CACNA2D3: variants seen among roughly 807,000 people sequenced by gnomAD.
The protein encoded by CACNA2D3 is voltage-dependent calcium channel subunit alpha-2/delta-3.
In CACNA2D3, 60 loss-of-function variants were observed where a neutral mutation model predicts 160.6. That is an observed-to-expected ratio of 0.37 (90% confidence interval 0.30 to 0.46). The LOEUF is 0.46. Ranked by LOEUF, CACNA2D3 falls within the 20% of genes least tolerant of loss-of-function variation. The pLI, the probability that CACNA2D3 is intolerant of heterozygous loss-of-function variation, is 1.00. For synonymous variants in CACNA2D3, 558 were observed against 492.9 expected (o/e 1.13, Z -1.75); for missense variants, 1,205 against 1,365.0 (o/e 0.88, Z 1.85).
At chr3:55,000,432 T>A (rs1188004396) in intron 31 of CACNA2D3, among the ~76,000 whole-genome samples, 2 of 152,052 alleles carry the variant, frequency 1.3e-5, no homozygotes, top group Non-Finnish European at 2.9e-5. Flanking sequence ...GGGAGAGTGT[T>A]AGGACAAATA....
At chr3:54,938,580 A>C (rs1701385529) in intron 27 of CACNA2D3, among the ~76,000 whole-genome samples, 1 of 152,098 alleles carries the variant, frequency 6.6e-6, no homozygotes, top group Non-Finnish European at 1.5e-5. Context: ...GAGAATTTGA[A>C]TCATGCCCTG....
intron 13 of CACNA2D3, among the ~76,000 whole-genome samples, chr3:54,807,104 G>C (rs2106687823): frequency 6.6e-6 from 1 of 152,254 alleles, no homozygotes; most frequent in East Asian, 1.9e-4. Context: ...AAAAACCCTA[G>C]AAGAAAACCT....
At chr3:54,895,941 G>T (rs1184236724) in intron 25 of CACNA2D3, among the ~76,000 whole-genome samples, 1 of 152,190 alleles carries the variant, frequency 6.6e-6, no homozygotes, top group Non-Finnish European at 1.5e-5. Flanking sequence ...GGGAGGTCTG[G>T]GGAGGGGATA....
intron 11 of CACNA2D3, among the ~76,000 whole-genome samples, chr3:54,675,297 G>A (rs1279822795): frequency 6.6e-6 from 1 of 152,074 alleles, no homozygotes; most frequent in Non-Finnish European, 1.5e-5. Flanking sequence ...TTGAGGGTAG[G>A]GGTGGAAGAT....
intron 27 of CACNA2D3, among the ~76,000 whole-genome samples, chr3:54,936,449 G>A (rs1179095913): frequency 1.3e-5 from 2 of 152,114 alleles, no homozygotes; most frequent in African/African-American, 2.4e-5. Context: ...ACAAACAAAG[G>A]AAAGTTGATT....
chr3:54,712,684 C>T (rs1212362662), intron 11 of CACNA2D3, among the ~76,000 whole-genome samples: 9 of 152,150 alleles, frequency 5.9e-5, no homozygotes, highest in Non-Finnish European at 1.2e-4. Context: ...AGCATGTAAA[C>T]GGACTAATAC....
chr3:54,215,061 C>A (rs12632508), intron 2 of CACNA2D3, among the ~76,000 whole-genome samples: 17,948 of 152,148 alleles, frequency 0.12, 1,331 homozygotes, highest in East Asian at 0.3. Context: ...CTCCCAGGCC[C>A]TATTGTCCAC....
chr3:54,711,491 G>A (rs652364), intron 11 of CACNA2D3, among the ~76,000 whole-genome samples: 131,594 of 152,216 alleles, frequency 0.86, 57,486 homozygotes, highest in Non-Finnish European at 0.93. Context: ...TGGATTTTCT[G>A]TATCTCTTTT....
chr3:55,052,282 T>C (rs545828481), intron 35 of CACNA2D3, among the ~76,000 whole-genome samples: 1 of 152,216 alleles, frequency 6.6e-6, no homozygotes, highest in Non-Finnish European at 1.5e-5. Context: ...TATTTTATTA[T>C]GGTTTGGGAG....
chr3:54,982,176 A>G (rs1449847923), intron 29 of CACNA2D3, among the ~76,000 whole-genome samples: 1 of 152,158 alleles, frequency 6.6e-6, no homozygotes, highest in Non-Finnish European at 1.5e-5. Context: ...AAGACAGATT[A>G]ATCCAAAGAG....
At chr3:54,220,588 G>T (rs1267463803) in intron 2 of CACNA2D3, among the ~76,000 whole-genome samples, 2 of 151,966 alleles carry the variant, frequency 1.3e-5, no homozygotes, top group African/African-American at 2.4e-5. Flanking sequence ...TTCCAGGCTG[G>T]GCAGCCTGGA....
chr3:54,576,518 C>A (rs1338955753), intron 8 of CACNA2D3, among the ~76,000 whole-genome samples: 1 of 152,184 alleles, frequency 6.6e-6, no homozygotes, highest in African/African-American at 2.4e-5. Context: ...GGAATGCTCA[C>A]AGACATTGGG....
intron 35 of CACNA2D3, among the ~76,000 whole-genome samples, chr3:55,051,920 C>T (rs886968186): frequency 6.6e-6 from 1 of 152,184 alleles, no homozygotes; most frequent in East Asian, 1.9e-4. Flanking sequence ...ACTCCCTGAC[C>T]CCTTGCGCTT....
At chr3:54,428,589 T>A (rs977588184) in intron 4 of CACNA2D3, among the ~76,000 whole-genome samples, 5 of 152,156 alleles carry the variant, frequency 3.3e-5, no homozygotes, top group African/African-American at 4.8e-5. Context: ...TCTTTTTTTT[T>A]TTTTCACCTT....
chr3:54,641,277 G>A (rs1699514286), intron 10 of CACNA2D3, among the ~76,000 whole-genome samples: 1 of 152,226 alleles, frequency 6.6e-6, no homozygotes, highest in South Asian at 2.1e-4. Flanking sequence ...ATTTCAAAGG[G>A]ATAGGGGACA....
intron 11 of CACNA2D3, among the ~76,000 whole-genome samples, chr3:54,672,227 AGC>A (rs944316228): frequency 1.7e-4 from 26 of 152,304 alleles, no homozygotes; most frequent in African/African-American, 5.8e-4. Context: ...TGTTGGACCA[AGC>A]GGTGCTTTTA....
intron 2 of CACNA2D3, among the ~76,000 whole-genome samples, chr3:54,135,504 G>T (rs1699798998): frequency 6.6e-6 from 1 of 152,268 alleles, no homozygotes. Context: ...CTGCTGGGAA[G>T]TGAGAGTTAT....
intron 9 of CACNA2D3, chr3:54,626,558 T>C (rs1323755340): frequency 1.9e-6 from 3 of 1,594,822 alleles, no homozygotes; most frequent in Non-Finnish European, 2.6e-6. Flanking sequence ...GACCACTACC[T>C]GGGCGAGTTC....
chr3:54,717,526 GGTGTGTGTGTGGTGTGCATGTGTGGT>G (rs1200277611), intron 11 of CACNA2D3, among the ~76,000 whole-genome samples: 1 of 150,028 alleles, frequency 6.7e-6, no homozygotes, highest in Non-Finnish European at 1.5e-5. Flanking sequence ...GTGTGTGTGT[GGTGTGTGTGTGGTGTGCATGTGTGGT>G]GTGTGTGTGT....
Sources: allele counts gnomAD v4.1 joint callset (sites outside exome capture counted in the v4.1 genomes callset), GRCh38; gene constraint gnomAD v4.1.1; transcripts MANE v1.5; gene names NCBI Gene and HGNC (gene_info 2026-07-23, HGNC 2026-07-21).